Variants in AFF1 observed in about 807,000 individuals in gnomAD.
The protein encoded by AFF1 is ALF transcription elongation factor 1.
A neutral mutation model predicts 121.7 loss-of-function variants in AFF1; 48 were observed. The observed-to-expected ratio is 0.39, with a 90% CI of 0.31 to 0.50. The LOEUF (loss-of-function observed/expected upper bound fraction) is 0.50. Ranked by LOEUF, AFF1 falls within the 20% of genes least tolerant of loss-of-function variation. The probability of loss-of-function intolerance (pLI) is 0.76; values close to 1 mark genes in which losing one functional copy is unlikely to be tolerated. For missense variants in AFF1, 1,523 were observed against 1,511.7 expected, an observed-to-expected ratio of 1.01 and a Z score of -0.12; for synonymous variants, 613 against 563.0, an observed-to-expected ratio of 1.09 and a Z score of -1.26.
chr4:87,006,249 T>TGTGCTGGTCCCTATGAG (rs1726110665), intron 2 of AFF1, among the ~76,000 whole-genome samples: 1 of 152,170 alleles, frequency 6.6e-6, no homozygotes, highest in African/African-American at 2.4e-5. Context: ...GCTCCTCCGG[T>TGTGCTGGTCCCTATGAG]GTGCTGGTCC....
intron 4 of AFF1, chr4:87,049,859 AGTC>A (rs35423121): frequency 0.024 from 9,404 of 399,884 alleles, 195 homozygotes; most frequent in African/African-American, 0.072. Context: ...GGAATGAAGG[AGTC>A]GTCAATCCGG....
At chr4:87,037,089 CTAA>C (rs1413714482) in intron 2 of AFF1, among the ~76,000 whole-genome samples, 1 of 152,204 alleles carries the variant, frequency 6.6e-6, no homozygotes, top group Non-Finnish European at 1.5e-5. Context: ...TTCAGAGCTT[CTAA>C]TGAGAGTTAC....
chr4:86,951,459 G>C (rs1721300147), intron 2 of AFF1, among the ~76,000 whole-genome samples: 2 of 151,724 alleles, frequency 1.3e-5, no homozygotes, highest in South Asian at 4.2e-4. Flanking sequence ...TTAGTTAGCT[G>C]CTTGACCCTC....
At chr4:87,129,742 C>T (rs1728631573) in intron 16 of AFF1, among the ~76,000 whole-genome samples, 3 of 152,088 alleles carry the variant, frequency 2.0e-5, no homozygotes, top group Admixed American at 2.0e-4. Flanking sequence ...ATGTATACTA[C>T]ATGTGTATAT....
intron 1 of AFF1, among the ~76,000 whole-genome samples, chr4:86,947,559 C>G (rs1224189375): frequency 1.3e-5 from 2 of 152,086 alleles, no homozygotes; most frequent in African/African-American, 4.8e-5. Flanking sequence ...AGTAACATAC[C>G]TTTCTTTGCC....
chr4:87,126,852 C>A (rs1172112758), intron 14 of AFF1, among the ~76,000 whole-genome samples, 174 bp from the exon 15 acceptor site: 2 of 152,120 alleles, frequency 1.3e-5, no homozygotes, highest in Non-Finnish European at 1.5e-5. Flanking sequence ...CAATCAGAAC[C>A]ACCGCTTCAG....
chr4:87,113,818 A>T (rs928612456), intron 11 of AFF1, among the ~76,000 whole-genome samples: 3 of 152,132 alleles, frequency 2.0e-5, no homozygotes, highest in African/African-American at 7.2e-5. Flanking sequence ...GTGAGCTATT[A>T]TCATGCCACT....
At chr4:87,068,853 T>G (rs1347079632) in intron 4 of AFF1, among the ~76,000 whole-genome samples, 1 of 152,086 alleles carries the variant, frequency 6.6e-6, no homozygotes, top group East Asian at 1.9e-4. Flanking sequence ...GTGGCACCGA[T>G]TAGGGCTGGC....
chr4:87,081,152 ATTTTTTTTT>A lies in AFF1; in HGVS notation c.1060-2949_1060-2941del, dbSNP rs549510832. 4.8e-4 allele frequency among the ~76,000 whole-genome samples: 43 copies of A among 89,718 alleles called. 2 individuals carry two copies. Among genetic ancestry groups the A allele is most frequent in the Admixed American group, 3.4e-3 (24 of 7,026 alleles). The allele number at this position is 89,718 out of a possible 152,430, so 58.9% of individuals were successfully genotyped here. On this transcript the variant is annotated intron_variant, in intron 4 of 20. Transcript: ENST00000395146. ...TTGTAGTTTTTCTCTAATGAAATGA[ATTTTTTTTT>A]TTTTTTTTTTTTTTTTTTGAGACAG...
At chr4:87,030,134 TAAAAA>T (rs60463283) in intron 2 of AFF1, among the ~76,000 whole-genome samples, 4 of 146,064 alleles carry the variant, frequency 2.7e-5, no homozygotes, top group Non-Finnish European at 4.6e-5. Context: ...TAAATGAACT[TAAAAA>T]AAAAAAAATC....
intron 1 of AFF1, among the ~76,000 whole-genome samples, chr4:86,946,727 G>A (rs1720891743): frequency 1.3e-5 from 2 of 151,956 alleles, no homozygotes; most frequent in South Asian, 2.1e-4. Flanking sequence ...AGATGCTCAG[G>A]ATACATTTGT....
At chr4:87,133,877 GCAT>G (rs1729071858) in intron 19 of AFF1, among the ~76,000 whole-genome samples, 1 of 152,184 alleles carries the variant, frequency 6.6e-6, no homozygotes. Flanking sequence ...GTCTTCTGAT[GCAT>G]GATACTTAAT....
chr4:87,122,260 G>C (rs1727767495), intron 12 of AFF1, among the ~76,000 whole-genome samples: 1 of 152,216 alleles, frequency 6.6e-6, no homozygotes, highest in Admixed American at 6.5e-5. Context: ...TTTGGTAACA[G>C]GGTAACCTGG....
chr4:86,936,008 A>T (rs545131181), intron 1 of AFF1: 1 of 152,286 alleles, frequency 6.6e-6, no homozygotes, highest in South Asian at 2.1e-4. Flanking sequence ...TGGTAGTTGC[A>T]TTAATGGAGC....
chr4:86,973,803 TC>T (rs1723108631), intron 2 of AFF1: 1 of 152,226 alleles, frequency 6.6e-6, no homozygotes, highest in African/African-American at 2.4e-5. Context: ...CTTTCCCTTT[TC>T]CTTTCCCTTT....
At chr4:86,973,706 TTTTC>T (rs1200195913) in intron 2 of AFF1, 5 of 152,092 alleles carry the variant, frequency 3.3e-5, no homozygotes, top group African/African-American at 1.2e-4. Flanking sequence ...AGAGTTAACG[TTTTC>T]TTTCTTTTCT....
chr4:87,100,259 G>A (rs749216982), intron 8 of AFF1, among the ~76,000 whole-genome samples: 6 of 151,972 alleles, frequency 3.9e-5, no homozygotes, highest in Non-Finnish European at 8.8e-5. Context: ...AAACCAACAA[G>A]GTGTGGTCCA....
rs1461240231 is a variant in AFF1, at chr4:87,132,466, C to G, written c.3311+58C>G. The G allele has an allele frequency of 6.6e-5, 101 of 1,528,988 alleles. No homozygotes were observed. In the Middle Eastern group the frequency reaches 1.4e-3, roughly 22 times the overall value. 94.7% of individuals were successfully genotyped at this position (1,528,988 alleles called of 1,614,324 possible). On this transcript the variant is annotated intron_variant, in intron 19 of 20. Coordinates refer to ENST00000395146, the MANE Select transcript of AFF1 (RefSeq NM_001166693.3). ...AATTGAGTCATTTCTTTATTTACTT[C>G]TTGCTTTTGCAACCATTTGTATGCT...
intron 11 of AFF1, among the ~76,000 whole-genome samples, chr4:87,111,587 C>G (rs1446436677): frequency 6.6e-6 from 1 of 151,630 alleles, no homozygotes; most frequent in African/African-American, 2.4e-5. Context: ...CTCCTGACCT[C>G]AAGTGATCCA....
Sources: gnomAD v4.1 joint callset for allele counts (sites outside exome capture counted in the v4.1 genomes callset) on GRCh38, gnomAD v4.1.1 for gene constraint, MANE v1.5 for transcripts, NCBI Gene and HGNC (gene_info 2026-07-23, HGNC 2026-07-21) for gene names.